TMOD1: variants seen among roughly 807,000 people sequenced by gnomAD.
The protein encoded by TMOD1 is tropomodulin-1.
TMOD1 carries 17 observed loss-of-function variants against 40.6 expected under a neutral mutation model. That is an observed-to-expected ratio of 0.42 (90% CI 0.29 to 0.63). The LOEUF is 0.63. Among genes scored for constraint, TMOD1 ranks in the 20% least tolerant of loss-of-function variants. The pLI, the probability that TMOD1 is intolerant of heterozygous loss-of-function variation, is 0.22. For synonymous variants in TMOD1, 181 were observed against 175.0 expected, an observed-to-expected ratio of 1.03 and a Z score of -0.27; for missense variants, 391 against 447.6, an observed-to-expected ratio of 0.87 and a Z score of 1.14.
chr9:97,563,156 C>T (rs983166862), intron 5 of TMOD1, among the ~76,000 whole-genome samples: 11 of 152,308 alleles, frequency 7.2e-5, no homozygotes, highest in South Asian at 4.1e-4. Context: ...TGGGCTTAAG[C>T]GATCCTCCCA....
chr9:97,540,053 T>C (rs1830254161), intron 2 of TMOD1, among the ~76,000 whole-genome samples: 1 of 151,786 alleles, frequency 6.6e-6, no homozygotes, highest in Admixed American at 6.6e-5. Flanking sequence ...TTTTAGCATA[T>C]TCACAGAGTC....
intron 6 of TMOD1, among the ~76,000 whole-genome samples, chr9:97,564,862 G>C (rs1475164604): frequency 6.6e-6 from 1 of 151,690 alleles, no homozygotes; most frequent in Non-Finnish European, 1.5e-5. Context: ...CTGGGAGGGG[G>C]GTGGGGGTAA....
At chr9:97,539,367 T>C (rs1368822076) in intron 2 of TMOD1, among the ~76,000 whole-genome samples, 2 of 152,196 alleles carry the variant, frequency 1.3e-5, no homozygotes, top group Non-Finnish European at 2.9e-5. Context: ...GTTCTAATAA[T>C]CATGAGAGCT....
Position 97,599,831 on chromosome 9 carries a change from T to A in TMOD1, c.*133T>A. The A allele has an allele frequency of 6.7e-7, 1 of 1,502,476 alleles. No individual in the cohort carries two copies. The highest frequency in any genetic ancestry group is 8.9e-7 in the Non-Finnish European group (1 of 1,117,418). 93.1% of individuals were successfully genotyped at this position (1,502,476 alleles called of 1,614,324 possible). A position where few individuals can be genotyped will look rare whatever the true frequency, so the allele number is the denominator to read the frequency against. ...TGGTTCAGTTCTTTATGCACTAAGG[T>A]TTTAGGTTGACTAGTGGTTGTAGTT... On this transcript the variant is annotated 3_prime_UTR_variant, in exon 10 of 10. Transcript: ENST00000259365.
chr9:97,567,442 G>A (rs773009926), intron 7 of TMOD1, among the ~76,000 whole-genome samples: 2 of 152,172 alleles, frequency 1.3e-5, no homozygotes, highest in Non-Finnish European at 2.9e-5. Context: ...CCCACCGCCT[G>A]CCCTAGCTTT....
At chr9:97,535,769 C>T (rs1336761709) in intron 2 of TMOD1, among the ~76,000 whole-genome samples, 1 of 152,248 alleles carries the variant, frequency 6.6e-6, no homozygotes, top group East Asian at 1.9e-4. Context: ...TATTGGGTTT[C>T]AGCTACAGGA....
In TMOD1 at chr9:97,546,087, T is replaced by C. The variant is rs1245542260; in HGVS notation, c.121-98T>C. The C allele has an allele frequency of 2.9e-6, 4 of 1,399,624 alleles. No individual in the cohort carries two copies. In the African/African-American group the frequency reaches 5.8e-5, roughly 20 times the overall value. 86.7% of individuals were successfully genotyped at this position (1,399,624 alleles called of 1,614,324 possible). On this transcript the variant is annotated intron_variant, in intron 2 of 9. Transcript: ENST00000259365. The stretch of plus-strand genomic sequence containing the variant: ...CTCTGAGGTCCCTTCTGTTCGATGA[T>C]GAGTTTCTGGAGAAGTGCAAGTCTT...
At chr9:97,501,588 C>A (rs1829501462), upstream of TMOD1, 1 of 149,290 alleles carries the variant, frequency 6.7e-6, no homozygotes, top group African/African-American at 2.4e-5. Flanking sequence ...CGGGGCGGGG[C>A]GCGGTGACAG....
Position 97,578,343 on chromosome 9 carries a change from G to A in TMOD1, c.870+9306G>A, listed in dbSNP as rs535704093. On this transcript the variant is annotated intron_variant, in intron 8 of 9. Coordinates refer to ENST00000259365, the MANE Select transcript of TMOD1 (RefSeq NM_003275.4). Reference sequence around the variant, plus strand: ...GCTGGGATTACAGGCGTGAGCCACCGTGCCCGGCCGAAGCTTCTTTGACAT... The same window carrying A: ...GCTGGGATTACAGGCGTGAGCCACCATGCCCGGCCGAAGCTTCTTTGACAT... Among the ~76,000 whole-genome samples, 7 of 152,278 alleles carry A rather than the reference G, an allele frequency of 4.6e-5. No individual in the cohort carries two copies. In the East Asian group the frequency reaches 1.2e-3, roughly 25 times the overall value.
chr9:97,555,729 C>T, intron 4 of TMOD1: 1 of 1,505,492 alleles, frequency 6.6e-7, no homozygotes. Context: ...GCTCTCAAGA[C>T]CTTATTGCAT....
intron 4 of TMOD1, among the ~76,000 whole-genome samples, chr9:97,559,498 G>C (rs1830584544): frequency 6.6e-6 from 1 of 151,460 alleles, no homozygotes; most frequent in Non-Finnish European, 1.5e-5. Context: ...GGGCGTGGTG[G>C]CTCAAGCCTG....
chr9:97,583,515 T>G (rs1220197537), intron 8 of TMOD1, among the ~76,000 whole-genome samples: 9 of 149,836 alleles, frequency 6.0e-5, no homozygotes, highest in South Asian at 4.3e-4. Context: ...GCTGGCCTCA[T>G]AAAATGAGTT....
intron 3 of TMOD1, among the ~76,000 whole-genome samples, chr9:97,548,306 C>T (rs531860818): frequency 1.3e-5 from 2 of 152,238 alleles, no homozygotes; most frequent in South Asian, 4.1e-4. Flanking sequence ...AGACATTGTG[C>T]AGAGGACTTC....
intron 8 of TMOD1, among the ~76,000 whole-genome samples, chr9:97,578,528 G>T (rs371922375): frequency 1.3e-5 from 2 of 152,272 alleles, no homozygotes; most frequent in South Asian, 4.1e-4. Context: ...TGTATCTAGG[G>T]TACTGGACAC....
At chr9:97,546,417 C>G (rs1830361656) in intron 3 of TMOD1, 76 bp downstream of exon 3, 1 of 1,514,932 alleles carries the variant, frequency 6.6e-7, no homozygotes. Flanking sequence ...CAGGCCCTGC[C>G]AGGCCCTGTG....
intron 6 of TMOD1, among the ~76,000 whole-genome samples, chr9:97,564,587 C>T (rs796103171): frequency 2.0e-5 from 3 of 152,368 alleles, no homozygotes; most frequent in African/African-American, 7.2e-5. Context: ...GGGCAGGCCC[C>T]TCCCCTGTGC....
intron 8 of TMOD1, among the ~76,000 whole-genome samples, chr9:97,584,602 G>GT (rs1563998756): frequency 6.6e-6 from 1 of 152,160 alleles, no homozygotes; most frequent in Non-Finnish European, 1.5e-5. Context: ...ACAGTGGGGT[G>GT]TTAAAGTCTC....
intron 9 of TMOD1, 95 bp from the exon 10 acceptor site, chr9:97,599,539 A>G (rs1826203608): frequency 6.6e-6 from 10 of 1,508,010 alleles, no homozygotes; most frequent in African/African-American, 1.4e-5. Flanking sequence ...TAACAAACCA[A>G]TTAGTGCGAG....
chr9:97,553,397 G>T lies in TMOD1; in HGVS notation c.394G>T (p.Ala132Ser), dbSNP rs778349607. 2 of 1,614,206 alleles carry T rather than the reference G, an allele frequency of 1.2e-6. No individual in the cohort carries two copies. Among genetic ancestry groups the T allele is most frequent in the Non-Finnish European group, 1.7e-6 (2 of 1,180,020 alleles). ...NASDAELCDI[A>S]AILGMHTLMS... ...TTCAGATGCAGAACTCTGTGACATT[G>T]CAGGTAAGAGGCGTTCCAGGAGCTT... Residue 132 changes from alanine (A) to serine (S), a missense_variant, in exon 4 of 10, where the codon GCA (alanine) becomes TCA (serine). Coordinates refer to ENST00000259365, the MANE Select transcript of TMOD1 (RefSeq NM_003275.4).
Sources: allele counts gnomAD v4.1 joint callset (sites outside exome capture counted in the v4.1 genomes callset), GRCh38; gene constraint gnomAD v4.1.1; transcripts MANE v1.5; gene names NCBI Gene and HGNC (gene_info 2026-07-23, HGNC 2026-07-21).